Variants in IMMP2L observed in about 807,000 individuals in gnomAD.
IMMP2L encodes the protein inner mitochondrial membrane peptidase subunit 2.
IMMP2L carries 18 observed loss-of-function variants against 19.3 expected under a neutral mutation model. The ratio of observed to expected loss-of-function variants is 0.93; its 90% CI spans 0.64 to 1.38. The LOEUF (loss-of-function observed/expected upper bound fraction) is 1.38, where lower values mean the gene tolerates loss of function less well. Ranked by LOEUF, IMMP2L falls within the 40% of genes most tolerant of loss-of-function variation. The pLI is 0.00. For missense variants in IMMP2L, 233 were observed against 218.2 expected (o/e 1.07, Z -0.43); for synonymous variants, 76 against 73.0 (o/e 1.04, Z -0.21).
At chr7:111,355,222 A>T (rs1023755401) in intron 3 of IMMP2L, among the ~76,000 whole-genome samples, 1 of 151,874 alleles carries the variant, frequency 6.6e-6, no homozygotes, top group African/African-American at 2.4e-5. Flanking sequence ...ATTTTTTACA[A>T]TGTACATCGA....
At chr7:111,023,896 C>T (rs1826552144) in intron 3 of IMMP2L, among the ~76,000 whole-genome samples, 1 of 152,042 alleles carries the variant, frequency 6.6e-6, no homozygotes, top group African/African-American at 2.4e-5. Flanking sequence ...GGTGAAATAA[C>T]TTCAGAAAGG....
intron 3 of IMMP2L, among the ~76,000 whole-genome samples, chr7:111,056,289 G>A (rs1793504333): frequency 6.6e-6 from 1 of 152,142 alleles, no homozygotes; most frequent in African/African-American, 2.4e-5. Context: ...CCATATAGCA[G>A]AACATGGCAA....
intron 3 of IMMP2L, among the ~76,000 whole-genome samples, chr7:111,166,923 C>T (rs1805883704): frequency 6.6e-6 from 1 of 151,968 alleles, no homozygotes; most frequent in African/African-American, 2.4e-5. Flanking sequence ...ATAATCTCAT[C>T]TTGAGGTCCT....
chr7:110,795,316 C>T (rs1271249618), intron 5 of IMMP2L, among the ~76,000 whole-genome samples: 1 of 151,960 alleles, frequency 6.6e-6, no homozygotes, highest in Non-Finnish European at 1.5e-5. Flanking sequence ...TACAGATTCT[C>T]CTACTTAGTG....
At chr7:110,704,769 G>A (rs1448066893) in intron 5 of IMMP2L, among the ~76,000 whole-genome samples, 1 of 152,188 alleles carries the variant, frequency 6.6e-6, no homozygotes, top group Non-Finnish European at 1.5e-5. Flanking sequence ...TCTCTTGGGG[G>A]AAGAATTAAG....
At chr7:110,965,695 G>A (rs1393954770) in intron 3 of IMMP2L, among the ~76,000 whole-genome samples, 1 of 151,758 alleles carries the variant, frequency 6.6e-6, no homozygotes, top group Non-Finnish European at 1.5e-5. Flanking sequence ...TAAAAACTAG[G>A]AAAGTATAAA....
In IMMP2L at chr7:111,018,643, T is replaced by C. The variant is rs147334445; in HGVS notation, c.240-55078A>G. Among the ~76,000 whole-genome samples the C allele has an allele frequency of 2.7e-3, 406 of 152,176 alleles. 1 individual carries two copies. Among genetic ancestry groups the C allele is most frequent in the African/African-American group, 9.4e-3 (390 of 41,542 alleles). On this transcript the variant is annotated intron_variant, in intron 3 of 5. Transcript: ENST00000405709. ...TGCCAACAGACAGCTAACAGAATTG[T>C]TCCCATTTCTCGTATAAAGAAACTG... is the stretch of plus-strand genomic sequence containing the variant.
intron 4 of IMMP2L, among the ~76,000 whole-genome samples, chr7:110,915,365 A>G (rs1813488907): frequency 6.6e-6 from 1 of 152,172 alleles, no homozygotes; most frequent in South Asian, 2.1e-4. Context: ...CCTGACACAG[A>G]AAGACAAATA....
chr7:110,815,797 G>T (rs967872931), intron 5 of IMMP2L, among the ~76,000 whole-genome samples: 3 of 152,028 alleles, frequency 2.0e-5, no homozygotes, highest in African/African-American at 7.2e-5. Context: ...GTATTTCTGT[G>T]GGATCGGTGG....
At chr7:111,342,314 C>T (rs986541204) in intron 3 of IMMP2L, among the ~76,000 whole-genome samples, 1 of 152,118 alleles carries the variant, frequency 6.6e-6, no homozygotes, top group African/African-American at 2.4e-5. Flanking sequence ...CAAAGGTTGG[C>T]TGGGCACAGT....
chr7:111,239,073 T>C (rs532523972), intron 3 of IMMP2L, among the ~76,000 whole-genome samples: 2 of 152,078 alleles, frequency 1.3e-5, no homozygotes, highest in East Asian at 3.9e-4. Flanking sequence ...CCACTCTGAA[T>C]AGGACATTGT....
At chr7:111,398,809 G>A (rs1238615490) in intron 3 of IMMP2L, among the ~76,000 whole-genome samples, 1 of 150,758 alleles carries the variant, frequency 6.6e-6, no homozygotes, top group Non-Finnish European at 1.5e-5. Context: ...ACACAAATCA[G>A]TAGTTCTTCT....
At chr7:110,821,563 G>A (rs889728122) in intron 5 of IMMP2L, among the ~76,000 whole-genome samples, 2 of 152,168 alleles carry the variant, frequency 1.3e-5, no homozygotes, top group Non-Finnish European at 2.9e-5. Context: ...CTGAGACCTA[G>A]ACATTTATGA....
chr7:111,078,505 G>T (rs1003023051), intron 3 of IMMP2L, among the ~76,000 whole-genome samples: 4 of 151,934 alleles, frequency 2.6e-5, no homozygotes, highest in Non-Finnish European at 4.4e-5. Flanking sequence ...TATCTATATA[G>T]TATTAATATG....
At chr7:110,887,198 T>C (rs1481765723) in intron 4 of IMMP2L, among the ~76,000 whole-genome samples, 2 of 152,128 alleles carry the variant, frequency 1.3e-5, no homozygotes, top group Non-Finnish European at 2.9e-5. Context: ...GGAAAGAACA[T>C]AATCTGAATA....
At chr7:110,933,189 T>C (rs1164600353) in intron 4 of IMMP2L, among the ~76,000 whole-genome samples, 1 of 152,150 alleles carries the variant, frequency 6.6e-6, no homozygotes, top group Admixed American at 6.5e-5. Context: ...GGTGGAGACA[T>C]AGCTGGACTG....
At chr7:111,387,985 A>AC (rs1489646434) in intron 3 of IMMP2L, among the ~76,000 whole-genome samples, 3 of 151,152 alleles carry the variant, frequency 2.0e-5, no homozygotes, top group African/African-American at 7.3e-5. Context: ...TAAAAAAAAA[A>AC]AAAAAAAAAA....
At chr7:111,535,386 T>G (rs1356739208) in intron 1 of IMMP2L, among the ~76,000 whole-genome samples, 1 of 152,144 alleles carries the variant, frequency 6.6e-6, no homozygotes, top group African/African-American at 2.4e-5. Flanking sequence ...CACTTCACTT[T>G]GTTTTAGTGA....
intron 5 of IMMP2L, among the ~76,000 whole-genome samples, chr7:110,695,257 T>C (rs1267524891): frequency 6.6e-6 from 1 of 152,174 alleles, no homozygotes. Context: ...AGTGGCACAA[T>C]TGTGGCTCAC....
Sources: allele counts gnomAD v4.1 joint callset (sites outside exome capture counted in the v4.1 genomes callset), GRCh38; gene constraint gnomAD v4.1.1; transcripts MANE v1.5; gene names NCBI Gene and HGNC (gene_info 2026-07-23, HGNC 2026-07-21).